Variants in AGAP1 observed in about 807,000 individuals in gnomAD.
AGAP1 encodes the protein ArfGAP with GTPase domain, ankyrin repeat and PH domain 1.
A neutral mutation model predicts 105.3 loss-of-function variants in AGAP1; 29 were observed. That is an observed-to-expected ratio of 0.28 (90% CI 0.21 to 0.38). AGAP1 has a LOEUF of 0.38. Among genes scored for constraint, AGAP1 ranks in the 10% least tolerant of loss-of-function variants. AGAP1 has a pLI of 1.00. For missense variants in AGAP1, 998 were observed against 1,165.1 expected (o/e 0.86, Z 2.09); for synonymous variants, 509 against 485.9 (o/e 1.05, Z -0.63).
At chr2:235,768,814 C>T (rs1955188973) in intron 6 of AGAP1, among the ~76,000 whole-genome samples, 1 of 152,210 alleles carries the variant, frequency 6.6e-6, no homozygotes, top group Admixed American at 6.5e-5. Context: ...TGTCGGGGAT[C>T]TGGGCAGCCA....
chr2:235,641,307 C>CTCTCTT (rs760215775), intron 1 of AGAP1, among the ~76,000 whole-genome samples: 165 of 67,120 alleles, frequency 2.5e-3, no homozygotes, highest in Non-Finnish European at 4.0e-3. Flanking sequence ...TTCTTTCTCT[C>CTCTCTT]TCTCTTTCTC....
At position 235,864,232 on chromosome 2, in the gene AGAP1, T is replaced by C. The variant is rs1295550659; in HGVS notation, c.1051-19113T>C. On this transcript the variant is annotated intron_variant, in intron 9 of 17. Coordinates refer to ENST00000304032, the MANE Select transcript of AGAP1 (RefSeq NM_001037131.3). This position sits in a 1 kb window ranked among gnomAD's most constrained non-coding sequence, Gnocchi z 5.0. ...CTTTTTCAGGAATTCCTCCCTGCCATATCCATGTGCCACTGTGTAGTCCCG... is the reference window on the plus strand; with the variant it reads ...CTTTTTCAGGAATTCCTCCCTGCCACATCCATGTGCCACTGTGTAGTCCCG... 2.0e-5 allele frequency among the ~76,000 whole-genome samples: 3 copies of C among 152,210 alleles called. No homozygotes were observed. The highest frequency in any genetic ancestry group is 4.4e-5 in the Non-Finnish European group (3 of 68,032).
chr2:235,915,851 G>A (rs1012504018), intron 11 of AGAP1, among the ~76,000 whole-genome samples: 13 of 152,170 alleles, frequency 8.5e-5, no homozygotes, highest in Non-Finnish European at 1.5e-4. Flanking sequence ...GAAGAGTCAA[G>A]TATCAAGTTG....
chr2:235,802,929 G>A (rs1401707839), intron 8 of AGAP1, among the ~76,000 whole-genome samples: 3 of 26,364 alleles, frequency 1.1e-4, no homozygotes, highest in East Asian at 1.1e-3. Flanking sequence ...TGTGGTTGTG[G>A]TTATGATGGT....
At chr2:235,652,131 C>G (rs1441609050) in intron 1 of AGAP1, among the ~76,000 whole-genome samples, 3 of 152,174 alleles carry the variant, frequency 2.0e-5, no homozygotes, top group Non-Finnish European at 4.4e-5. Flanking sequence ...AGGAGACATG[C>G]TGATCAGCTT....
At chr2:235,709,551 A>G (rs1427123387) in intron 2 of AGAP1, among the ~76,000 whole-genome samples, 1 of 147,758 alleles carries the variant, frequency 6.8e-6, no homozygotes, top group Non-Finnish European at 1.5e-5. Context: ...ACACACCCCC[A>G]TGGGTTGATT....
At chr2:236,048,384 T>G (rs1038617411) in intron 15 of AGAP1, among the ~76,000 whole-genome samples, 2 of 152,244 alleles carry the variant, frequency 1.3e-5, no homozygotes, top group African/African-American at 4.8e-5. Context: ...CCAAAGCCTG[T>G]CACCATTCAT....
At chr2:236,033,083 T>A (rs2057274841) in intron 13 of AGAP1, among the ~76,000 whole-genome samples, 2 of 152,006 alleles carry the variant, frequency 1.3e-5, no homozygotes, top group South Asian at 4.2e-4. Context: ...CTGTCTCCAC[T>A]AAAAATACAA....
At chr2:235,784,013 T>C (rs1444151832) in intron 6 of AGAP1, among the ~76,000 whole-genome samples, 2 of 152,238 alleles carry the variant, frequency 1.3e-5, no homozygotes, top group South Asian at 2.1e-4. Flanking sequence ...TGGATAGATA[T>C]ATAATAAAGC....
At position 236,077,637 on chromosome 2, in the gene AGAP1, G is replaced by A. The variant is rs183850732; in HGVS notation, c.2114+28356G>A. 2.7e-3 allele frequency among the ~76,000 whole-genome samples: 408 copies of A among 152,214 alleles called. 2 individuals are homozygous for A. Among genetic ancestry groups the A allele is most frequent in the African/African-American group, 9.0e-3 (374 of 41,550 alleles). ...CCCAGCCATGTATGTCTTTTAAAGC[G>A]TTATTTTTAGTGGTGTCACAATAAT... On this transcript the variant is annotated intron_variant, in intron 16 of 17. Coordinates refer to ENST00000304032, the MANE Select transcript of AGAP1 (RefSeq NM_001037131.3).
chr2:235,778,508 CCTCA>C (rs1243753896), intron 6 of AGAP1, among the ~76,000 whole-genome samples: 15 of 151,860 alleles, frequency 9.9e-5, no homozygotes, highest in Admixed American at 3.3e-4. Flanking sequence ...GCCCCAGGCC[CCTCA>C]CTCACTCGCT....
At chr2:235,540,148 C>CTTTTTTTTTTT (rs535395155) in intron 1 of AGAP1, among the ~76,000 whole-genome samples, 24 of 129,104 alleles carry the variant, frequency 1.9e-4, no homozygotes, top group South Asian at 7.5e-4. Context: ...CCTCTCTCCT[C>CTTTTTTTTTTT]TTTTTTTTTT....
rs537956331 is a variant in AGAP1 at position 235,535,201 on chromosome 2, C to T, written c.163+40352C>T. On this transcript the variant is annotated intron_variant, in intron 1 of 17. Transcript: ENST00000304032. The surrounding 1 kb of genome is among the most constrained non-coding windows in gnomAD (Gnocchi z 5.1). ...CCACCCGCACCAGGTTGCCTCCCAT[C>T]GTTTGCAGGAGCGGAAGACCCGATG... Among the ~76,000 whole-genome samples, 32 of 152,196 alleles carry T rather than the reference C, an allele frequency of 2.1e-4. No homozygotes were observed. Among genetic ancestry groups the T allele is most frequent in the African/African-American group, 6.3e-4 (26 of 41,522 alleles).
chr2:235,743,861 G>A (rs1245395777), intron 4 of AGAP1, among the ~76,000 whole-genome samples: 3 of 152,332 alleles, frequency 2.0e-5, no homozygotes, highest in East Asian at 1.9e-4. Context: ...GATGTGCTGC[G>A]CTGGTTGCAG....
At chr2:235,805,885 C>A (rs1172667376) in intron 8 of AGAP1, among the ~76,000 whole-genome samples, 1 of 152,300 alleles carries the variant, frequency 6.6e-6, no homozygotes, top group African/African-American at 2.4e-5. Flanking sequence ...GTGCTTGGCA[C>A]GTAGTAGGTG....
chr2:236,086,998 C>G (rs1028929144), intron 16 of AGAP1, among the ~76,000 whole-genome samples: 5 of 151,874 alleles, frequency 3.3e-5, no homozygotes, highest in Non-Finnish European at 7.4e-5. Flanking sequence ...GGCAAACACT[C>G]GGGAAACCCA....
At chr2:235,925,679 T>C (rs183076529) in intron 11 of AGAP1, among the ~76,000 whole-genome samples, 153 of 152,304 alleles carry the variant, frequency 1.0e-3, no homozygotes, top group Admixed American at 4.2e-3. Flanking sequence ...CAGCAGAGCT[T>C]GGTGTCTTTG....
At position 235,908,985 on chromosome 2, in the gene AGAP1, C is replaced by T. The variant is rs4663215; in HGVS notation, c.1324+79C>T. 1,071,824 of 1,374,842 alleles carry T rather than the reference C, an allele frequency of 0.78. 419,804 individuals carry two copies. Among genetic ancestry groups the T allele is most frequent in the East Asian group, 0.98 (42,488 of 43,202 alleles). The allele number at this position is 1,374,842 out of a possible 1,614,324, so 85.2% of individuals were successfully genotyped here. ...CAGGCTCGAGGATAATGTTGGACTC[C>T]TAGGTTAAGTGGAGACAGTAACTAT... On this transcript the variant is annotated intron_variant, in intron 11 of 17. Transcript: ENST00000304032. The surrounding 1 kb of genome is among the most constrained non-coding windows in gnomAD (Gnocchi z 4.4).
intron 13 of AGAP1, among the ~76,000 whole-genome samples, chr2:235,997,758 AT>A: frequency 6.6e-6 from 1 of 152,348 alleles, no homozygotes; most frequent in Admixed American, 6.5e-5. Flanking sequence ...TCTGAAGACC[AT>A]TCAAATGGAA....
Sources: allele counts gnomAD v4.1 joint callset (sites outside exome capture counted in the v4.1 genomes callset), GRCh38; gene constraint gnomAD v4.1.1; non-coding constraint Gnocchi (gnomAD v3.1); transcripts MANE v1.5; gene names NCBI Gene and HGNC (gene_info 2026-07-23, HGNC 2026-07-21).